The following ARHGAP26 variants were observed in gnomAD, a reference collection of about 807,000 sequenced individuals.
ARHGAP26 encodes the protein rho GTPase-activating protein 26.
In ARHGAP26, 38 loss-of-function variants were observed where a neutral mutation model predicts 104.8. The observed-to-expected ratio is 0.36, with a 90% CI of 0.28 to 0.48. The LOEUF is 0.48. Among genes scored for constraint, ARHGAP26 ranks in the 20% least tolerant of loss-of-function variants. The pLI, the probability that ARHGAP26 is intolerant of heterozygous loss-of-function variation, is 0.99. For missense variants in ARHGAP26, 704 were observed against 947.9 expected (o/e 0.74, Z 3.38); for synonymous variants, 341 against 340.0 (o/e 1.00, Z -0.03).
intron 17 of ARHGAP26, among the ~76,000 whole-genome samples, chr5:143,097,064 C>T (rs146888522): frequency 4.4e-4 from 67 of 152,136 alleles, no homozygotes; most frequent in African/African-American, 1.5e-3. Flanking sequence ...ACAGACCATG[C>T]GCGGTGGCTC....
intron 12 of ARHGAP26, among the ~76,000 whole-genome samples, chr5:143,024,749 G>C (rs943395928): frequency 3.3e-5 from 5 of 152,152 alleles, no homozygotes; most frequent in Admixed American, 6.5e-5. Context: ...ACTTCATTCT[G>C]AGGGCAAACT....
At chr5:142,856,649 G>C (rs138261454) in intron 1 of ARHGAP26, among the ~76,000 whole-genome samples, 62 of 152,280 alleles carry the variant, frequency 4.1e-4, no homozygotes, top group African/African-American at 1.2e-3. Context: ...CATCAGTACT[G>C]AACATGTACA....
rs2152084979 is a variant in ARHGAP26, at chr5:142,823,651, C to A, written c.155-49749C>A. ...TGTTTCCTTCCTCAAGGTGTAGGACCAAGGGTCTGGTTTGAAAAGTATTTT... is the reference window on the plus strand; with the variant it reads ...TGTTTCCTTCCTCAAGGTGTAGGACAAAGGGTCTGGTTTGAAAAGTATTTT... On this transcript the variant is annotated intron_variant, in intron 1 of 22. Coordinates refer to ENST00000645722, the MANE Select transcript of ARHGAP26 (RefSeq NM_001135608.3). 1.3e-5 allele frequency among the ~76,000 whole-genome samples: 2 copies of A among 152,160 alleles called. 1 individual carries two copies. Among genetic ancestry groups the A allele is most frequent in the Admixed American group, 1.3e-4 (2 of 15,288 alleles).
At position 142,777,740 on chromosome 5, in the gene ARHGAP26, G is replaced by C. The variant is rs553400538; in HGVS notation, c.154+6825G>C. Among the ~76,000 whole-genome samples the C allele has an allele frequency of 2.8e-4, 42 of 152,216 alleles. 1 individual carries two copies. The East Asian group carries it at 8.1e-3, about 29-fold the overall frequency. On this transcript the variant is annotated intron_variant, in intron 1 of 22. Transcript: ENST00000645722. Reference sequence around the variant, plus strand: ...GGTAACCAATGTAGGAGTCATTAGCGGGGAGATTGAGTGGGATGTTTGGGG... The same window carrying C: ...GGTAACCAATGTAGGAGTCATTAGCCGGGAGATTGAGTGGGATGTTTGGGG...
At chr5:142,859,872 A>G (rs1315440720) in intron 1 of ARHGAP26, 1 of 152,254 alleles carries the variant, frequency 6.6e-6, no homozygotes, top group Non-Finnish European at 1.5e-5. Context: ...TGGGCCGTTC[A>G]TGTTTCTTTG....
intron 17 of ARHGAP26, among the ~76,000 whole-genome samples, chr5:143,117,110 G>A (rs1795560011): frequency 6.6e-6 from 1 of 152,204 alleles, no homozygotes; most frequent in South Asian, 2.1e-4. Flanking sequence ...CTCCTTCACT[G>A]CAACATGAAG....
chr5:143,010,052 C>G (rs998073975), intron 11 of ARHGAP26, among the ~76,000 whole-genome samples: 11 of 152,314 alleles, frequency 7.2e-5, no homozygotes, highest in Admixed American at 3.3e-4. Context: ...GGACATTGCT[C>G]TTGCCTCTGA....
intron 20 of ARHGAP26, among the ~76,000 whole-genome samples, chr5:143,186,325 G>A (rs913409928): frequency 7.9e-5 from 12 of 152,160 alleles, no homozygotes; most frequent in African/African-American, 2.4e-4. Flanking sequence ...GTAATGCCCT[G>A]TGACTCTGTC....
chr5:143,103,849 G>T (rs925291869), intron 17 of ARHGAP26, among the ~76,000 whole-genome samples: 1 of 152,050 alleles, frequency 6.6e-6, no homozygotes, highest in Non-Finnish European at 1.5e-5. Context: ...TGTAGATGAC[G>T]GGTTGATGGG....
At chr5:143,202,027 C>A (rs1807818920) in intron 20 of ARHGAP26, among the ~76,000 whole-genome samples, 1 of 152,056 alleles carries the variant, frequency 6.6e-6, no homozygotes, top group African/African-American at 2.4e-5. Context: ...TAAAGTCTCC[C>A]ACTATTATTG....
intron 5 of ARHGAP26, among the ~76,000 whole-genome samples, chr5:142,890,306 A>C (rs951587924): frequency 6.7e-6 from 1 of 150,234 alleles, no homozygotes; most frequent in Admixed American, 6.6e-5. Context: ...CTAGGAGAAG[A>C]GGTTTTTGGG....
intron 17 of ARHGAP26, among the ~76,000 whole-genome samples, chr5:143,091,211 G>A (rs1468070958): frequency 6.6e-6 from 1 of 152,236 alleles, no homozygotes; most frequent in Non-Finnish European, 1.5e-5. Context: ...GCTTTCCGCT[G>A]TATGAACAGC....
rs1562260002 is a variant in ARHGAP26 at position 143,012,567 on chromosome 5, ATATATATATT to A, written c.1108-1512_1108-1503del. On this transcript the variant is annotated intron_variant, in intron 11 of 22. Transcript: ENST00000645722. ...TACATACATACATATATATATATATATATATATATTATGATCAGGTTCACCTTATGCCTTT... is the reference window on the plus strand; with the variant it reads ...TACATACATACATATATATATATATAATGATCAGGTTCACCTTATGCCTTT... Among the ~76,000 whole-genome samples the A allele has an allele frequency of 3.0e-3, 251 of 84,834 alleles. 24 individuals carry two copies. Among genetic ancestry groups the A allele is most frequent in the African/African-American group, 8.1e-3 (237 of 29,236 alleles). 55.7% of individuals were successfully genotyped at this position (84,834 alleles called of 152,430 possible).
chr5:142,959,977 G>A (rs141099476), intron 11 of ARHGAP26, among the ~76,000 whole-genome samples: 235 of 152,342 alleles, frequency 1.5e-3, no homozygotes, highest in African/African-American at 5.4e-3. Flanking sequence ...GTCTGTTTTT[G>A]TATTCCAAGG....
intron 1 of ARHGAP26, among the ~76,000 whole-genome samples, chr5:142,842,414 A>G (rs550812940): frequency 6.6e-6 from 1 of 152,320 alleles, no homozygotes; most frequent in African/African-American, 2.4e-5. Context: ...TACCTCACCC[A>G]TACTTTGTGT....
chr5:143,097,370 A>G (rs1306391521), intron 17 of ARHGAP26, among the ~76,000 whole-genome samples: 7 of 150,782 alleles, frequency 4.6e-5, no homozygotes, highest in African/African-American at 9.7e-5. Context: ...GAAAAAAAAA[A>G]AAAAAAAAAA....
chr5:142,962,758 C>G (rs1433686333), intron 11 of ARHGAP26, among the ~76,000 whole-genome samples: 1 of 152,062 alleles, frequency 6.6e-6, no homozygotes. Flanking sequence ...AGGGTGGGCA[C>G]AACTTTTTCC....
At position 142,822,880 on chromosome 5, in the gene ARHGAP26, G is replaced by A. The variant is rs112812729; in HGVS notation, c.155-50520G>A. On this transcript the variant is annotated intron_variant, in intron 1 of 22. Coordinates refer to ENST00000645722, the MANE Select transcript of ARHGAP26 (RefSeq NM_001135608.3). ...TAACCTCTAGCCTGGTGCCAGGCAC[G>A]TGGGAGACCAGTCAGTAAATAGTTG... Among the ~76,000 whole-genome samples the A allele has an allele frequency of 6.3e-3, 954 of 152,216 alleles. 8 individuals carry two copies. The highest frequency in any genetic ancestry group is 0.021 in the African/African-American group (889 of 41,520).
intron 9 of ARHGAP26, among the ~76,000 whole-genome samples, chr5:142,911,908 T>C (rs1761879435): frequency 6.6e-6 from 1 of 152,240 alleles, no homozygotes; most frequent in Non-Finnish European, 1.5e-5. Context: ...AGACAATAGG[T>C]ATAAGGCCTG....
Sources: allele counts gnomAD v4.1 joint callset (sites outside exome capture counted in the v4.1 genomes callset), GRCh38; gene constraint gnomAD v4.1.1; transcripts MANE v1.5; gene names NCBI Gene and HGNC (gene_info 2026-07-23, HGNC 2026-07-21).